CDH12: variants seen among roughly 807,000 people sequenced by gnomAD.
The protein encoded by CDH12 is cadherin-12.
A neutral mutation model predicts 74.1 loss-of-function variants in CDH12; 41 were observed. That is an observed-to-expected ratio of 0.55 (90% CI 0.43 to 0.72). The LOEUF (loss-of-function observed/expected upper bound fraction) is 0.72. Among genes scored for constraint, CDH12 ranks in the 30% least tolerant of loss-of-function variants. The pLI, the probability that CDH12 is intolerant of heterozygous loss-of-function variation, is 0.00. For missense variants in CDH12, 945 were observed against 977.2 expected, an observed-to-expected ratio of 0.97 and a Z score of 0.44; for synonymous variants, 399 against 355.0, an observed-to-expected ratio of 1.12 and a Z score of -1.39.
chr5:22,807,735 C>A (rs1748889684), intron 1 of CDH12, among the ~76,000 whole-genome samples: 1 of 152,042 alleles, frequency 6.6e-6, no homozygotes, highest in Non-Finnish European at 1.5e-5. Flanking sequence ...TATAAACATA[C>A]CTAAACATAG....
chr5:22,740,760 A>T (rs1416387565), intron 1 of CDH12, among the ~76,000 whole-genome samples: 24 of 152,132 alleles, frequency 1.6e-4, no homozygotes, highest in Admixed American at 1.6e-3. Flanking sequence ...GGCTTAAATG[A>T]ACAATTTTGT....
intron 1 of CDH12, among the ~76,000 whole-genome samples, chr5:22,843,106 C>T (rs1472348062): frequency 1.3e-5 from 2 of 151,924 alleles, no homozygotes; most frequent in Non-Finnish European, 2.9e-5. Context: ...GTTAAATAAC[C>T]ATTAATGAAT....
intron 5 of CDH12, among the ~76,000 whole-genome samples, chr5:22,024,301 C>G (rs1027232473): frequency 1.3e-5 from 2 of 152,026 alleles, no homozygotes; most frequent in Non-Finnish European, 2.9e-5. Flanking sequence ...ACTGCTTATG[C>G]TTTTTTGGAT....
At chr5:22,059,141 A>G (rs1740975802) in intron 5 of CDH12, among the ~76,000 whole-genome samples, 1 of 152,032 alleles carries the variant, frequency 6.6e-6, no homozygotes, top group Non-Finnish European at 1.5e-5. Flanking sequence ...AGGTTTAAAT[A>G]TTTTCCTAGT....
At chr5:22,293,184 T>C (rs188416735) in intron 3 of CDH12, among the ~76,000 whole-genome samples, 6 of 152,234 alleles carry the variant, frequency 3.9e-5, no homozygotes, top group Admixed American at 6.5e-5. Context: ...AAGTAGGCAA[T>C]TGGGATCAGC....
At chr5:22,654,179 TTC>T (rs1739893740) in intron 1 of CDH12, among the ~76,000 whole-genome samples, 2 of 134,604 alleles carry the variant, frequency 1.5e-5, no homozygotes, top group Admixed American at 1.4e-4. Flanking sequence ...CCTTCCTTTC[TTC>T]TTTCTTTCTT....
intron 8 of CDH12, among the ~76,000 whole-genome samples, chr5:21,840,430 A>AT (rs200209303): frequency 4.7e-4 from 70 of 147,898 alleles, no homozygotes; most frequent in South Asian, 8.6e-4. Flanking sequence ...AAGATTTGTA[A>AT]TTTTTTTTTT....
rs186433930 is a variant in CDH12, at chr5:22,013,483, C to A, written c.232-38098G>T. Reference sequence around the variant, plus strand: ...GTGAATGCATGCATATTCTTAAATGCAAAAATTGTAAATACATATATAAAT... The same window carrying A: ...GTGAATGCATGCATATTCTTAAATGAAAAAATTGTAAATACATATATAAAT... On this transcript the variant is annotated intron_variant, in intron 5 of 14. Transcript: ENST00000382254. 4.0e-3 allele frequency among the ~76,000 whole-genome samples: 603 copies of A among 152,090 alleles called. 9 individuals carry two copies. The highest frequency in any genetic ancestry group is 0.014 in the African/African-American group (568 of 41,486).
At chr5:22,315,480 G>T (rs147198124) in intron 3 of CDH12, among the ~76,000 whole-genome samples, 73 of 152,126 alleles carry the variant, frequency 4.8e-4, no homozygotes, top group Admixed American at 1.5e-3. Context: ...AAGAAACATA[G>T]TATTACCTCT....
At chr5:22,136,443 TG>T (rs1746463887) in intron 4 of CDH12, among the ~76,000 whole-genome samples, 1 of 151,976 alleles carries the variant, frequency 6.6e-6, no homozygotes, top group South Asian at 2.1e-4. Flanking sequence ...CATTCTAACA[TG>T]GGGTAGCGTG....
chr5:22,710,555 G>T (rs429911), intron 1 of CDH12, among the ~76,000 whole-genome samples: 106,276 of 151,492 alleles, frequency 0.7, 37,449 homozygotes, highest in Admixed American at 0.75. Context: ...TCAGCCTCCT[G>T]AGGGTAAGGA....
At chr5:22,383,043 G>A (rs538527277) in intron 3 of CDH12, among the ~76,000 whole-genome samples, 51 of 152,062 alleles carry the variant, frequency 3.4e-4, no homozygotes, top group Admixed American at 1.4e-3. Context: ...TGTTGGCCAG[G>A]CTGGTCTTAA....
rs373840370 is a variant in CDH12, at chr5:21,842,225, G to A, written c.750C>T (p.Ala250=). ...GAGTGATGTTGACTATTGTTGTTCC[G>A]GCTAATCCTCCAAGCTGTCCTCCCA... is the stretch of plus-strand genomic sequence containing the variant. ...KDMGGQLGGL[A]GTTIVNITLT... The change falls in exon 8 of 15, where the codon GCC becomes GCT. Residue 250 remains alanine, a synonymous_variant. Transcript: ENST00000382254. The A allele has an allele frequency of 1.2e-4, 198 of 1,613,450 alleles. 1 individual carries two copies. Among genetic ancestry groups the A allele is most frequent in the African/African-American group, 1.7e-4 (13 of 74,980 alleles).
At chr5:22,233,221 G>T (rs1245613545) in intron 3 of CDH12, among the ~76,000 whole-genome samples, 1 of 151,552 alleles carries the variant, frequency 6.6e-6, no homozygotes, top group African/African-American at 2.4e-5. Flanking sequence ...TTGATCTATA[G>T]ATCAATTTAG....
At chr5:22,122,228 C>A (rs6864232) in intron 4 of CDH12, among the ~76,000 whole-genome samples, 4 of 152,018 alleles carry the variant, frequency 2.6e-5, no homozygotes, top group Non-Finnish European at 4.4e-5. Flanking sequence ...CATGGTGAAA[C>A]CCCGTCTCTA....
intron 3 of CDH12, among the ~76,000 whole-genome samples, chr5:22,296,518 G>A (rs982610794): frequency 1.3e-5 from 2 of 152,192 alleles, no homozygotes; most frequent in East Asian, 1.9e-4. Context: ...TTAGAGAGAA[G>A]CTTTATTTTG....
At chr5:22,204,828 A>G (rs1478713995) in intron 4 of CDH12, among the ~76,000 whole-genome samples, 2 of 152,156 alleles carry the variant, frequency 1.3e-5, no homozygotes, top group Non-Finnish European at 2.9e-5. Context: ...TTTACAGATA[A>G]GGGAATTCCT....
chr5:22,818,928 G>T (rs1027966178), intron 1 of CDH12, among the ~76,000 whole-genome samples: 1 of 152,108 alleles, frequency 6.6e-6, no homozygotes, highest in African/African-American at 2.4e-5. Flanking sequence ...CTGTCAACTG[G>T]ATGTAAATAA....
Position 22,466,170 on chromosome 5 carries a change from C to T in CDH12, c.-428+39100G>A, listed in dbSNP as rs539729091. ...AACATTTCCATCTCCAGCCCTTGGC[C>T]AGATGTTGATAACCCTCCTTCCTGA... On this transcript the variant is annotated intron_variant, in intron 2 of 14. Transcript: ENST00000382254. Among the ~76,000 whole-genome samples, 579 of 152,298 alleles carry T rather than the reference C, an allele frequency of 3.8e-3. 2 individuals are homozygous for T. Among genetic ancestry groups the T allele is most frequent in the Non-Finnish European group, 7.2e-3 (487 of 68,036 alleles).
Sources: gnomAD v4.1 joint callset for allele counts (sites outside exome capture counted in the v4.1 genomes callset) on GRCh38, gnomAD v4.1.1 for gene constraint, MANE v1.5 for transcripts, NCBI Gene and HGNC (gene_info 2026-07-23, HGNC 2026-07-21) for gene names.